HDAC3: variants seen among roughly 807,000 people sequenced by gnomAD.
HDAC3 encodes the protein SMAP45.
A neutral mutation model predicts 62.3 loss-of-function variants in HDAC3; 21 were observed. The observed-to-expected ratio is 0.34, with a 90% CI of 0.24 to 0.49. The LOEUF is 0.49. Ranked by LOEUF, HDAC3 falls within the 20% of genes least tolerant of loss-of-function variation. HDAC3 has a pLI of 0.99. For missense variants in HDAC3, 270 were observed against 556.9 expected (o/e 0.48, Z 5.19); for synonymous variants, 198 against 206.5 (o/e 0.96, Z 0.35).
chr5:141,622,070 C>T (rs542542617), intron 14 of HDAC3, among the ~76,000 whole-genome samples: 3 of 152,180 alleles, frequency 2.0e-5, no homozygotes, highest in East Asian at 1.9e-4. Flanking sequence ...CCAGGACAGC[C>T]GGGAGCACTG....
At chr5:141,622,401 C>T (rs2099903829) in intron 14 of HDAC3, among the ~76,000 whole-genome samples, 1 of 152,004 alleles carries the variant, frequency 6.6e-6, no homozygotes, top group Non-Finnish European at 1.5e-5. Flanking sequence ...GTCAAGAGAT[C>T]AAGACCATCC....
chr5:141,627,247 T>C (rs1207682904), intron 10 of HDAC3, among the ~76,000 whole-genome samples: 3 of 152,158 alleles, frequency 2.0e-5, no homozygotes, highest in Admixed American at 1.3e-4. Context: ...GCTGATTTTG[T>C]TTTTTATTTT....
chr5:141,631,550 A>G (rs934086918), intron 3 of HDAC3, among the ~76,000 whole-genome samples: 4 of 152,238 alleles, frequency 2.6e-5, no homozygotes, highest in African/African-American at 9.6e-5. Context: ...AGCCAATGTG[A>G]TGGTGTAAGA....
At position 141,624,211 on chromosome 5, in the gene HDAC3, G is replaced by A. The variant is rs188963265; in HGVS notation, c.1217+997C>T. Among the ~76,000 whole-genome samples, 379 of 151,260 alleles carry A rather than the reference G, an allele frequency of 2.5e-3. 1 individual carries two copies. The highest frequency in any genetic ancestry group is 9.0e-3 in the African/African-American group (373 of 41,266). On this transcript the variant is annotated intron_variant, in intron 14 of 14. Transcript: ENST00000305264. ...GCTGGCAAGACTATAGGGTGCTACAGACTTTCTGGACGGCAATTTGGCAGC... is the reference window on the plus strand; with the variant it reads ...GCTGGCAAGACTATAGGGTGCTACAAACTTTCTGGACGGCAATTTGGCAGC...
intron 3 of HDAC3, among the ~76,000 whole-genome samples, chr5:141,633,825 C>CA (rs11291105): frequency 0.015 from 1,062 of 73,170 alleles, 9 homozygotes; most frequent in Middle Eastern, 0.017. Flanking sequence ...GACTCTGTCT[C>CA]AAAAAAAAAA....
chr5:141,630,121 C>T lies in HDAC3; in HGVS notation c.286G>A (p.Val96Met), dbSNP rs2099904980. The T allele has an allele frequency of 1.9e-6, 3 of 1,613,840 alleles. No homozygotes were observed. Among genetic ancestry groups the T allele is most frequent in the African/African-American group, 1.3e-5 (1 of 74,910 alleles). ...CAGAACTCAAAGAGCCCGGGAAACA[C>T]TGGGCTGCAGGGAAGAGGAACAAGT... Reference protein sequence around the residue: ...NAFNVGDDCPVFPGLFEFCSR... With the variant: ...NAFNVGDDCPMFPGLFEFCSR... Residue 96 changes from valine to methionine, a missense_variant, in exon 4 of 15, where the codon GTG becomes ATG. This residue lies in a region of HDAC3 where 156 missense variants were observed against 383.9 expected (regional missense o/e 0.41). Coordinates refer to ENST00000305264, the MANE Select transcript of HDAC3 (RefSeq NM_003883.4).
At chr5:141,622,294 T>TACC (rs2099903815) in intron 14 of HDAC3, among the ~76,000 whole-genome samples, 1 of 152,090 alleles carries the variant, frequency 6.6e-6, no homozygotes, top group African/African-American at 2.4e-5. Flanking sequence ...TCAATATTGG[T>TACC]TTCTTTCTTT....
At chr5:141,623,195 A>G (rs2099903948) in intron 14 of HDAC3, among the ~76,000 whole-genome samples, 1 of 152,234 alleles carries the variant, frequency 6.6e-6, no homozygotes, top group African/African-American at 2.4e-5. Flanking sequence ...TCTGAAAATA[A>G]GAGCCATCAG....
intron 14 of HDAC3, among the ~76,000 whole-genome samples, chr5:141,622,603 A>G (rs550920646): frequency 1.0e-4 from 15 of 148,962 alleles, no homozygotes; most frequent in African/African-American, 3.7e-4. Flanking sequence ...CTCCATCTCA[A>G]AAAAAAAAAA....
Position 141,629,090 on chromosome 5 carries a change from G to T in HDAC3, c.610+83C>A, listed in dbSNP as rs971265253. ...GCTTCTCTGAGGAGGGGACACCTGA[G>T]ATGAGACTAGAAGGCTGAGAAGGAG... On this transcript the variant is annotated intron_variant, in intron 7 of 14. Coordinates refer to ENST00000305264, the MANE Select transcript of HDAC3 (RefSeq NM_003883.4). The surrounding 1 kb of genome is among the most constrained non-coding windows in gnomAD (Gnocchi z 5.3). 6.9e-7 allele frequency: 1 copy of T among 1,439,386 alleles called. No homozygotes were observed. Among genetic ancestry groups the T allele is most frequent in the Non-Finnish European group, 9.6e-7 (1 of 1,043,368 alleles). 89.2% of individuals were successfully genotyped at this position (1,439,386 alleles called of 1,614,324 possible). A position where few individuals can be genotyped will look rare whatever the true frequency, so the allele number is the denominator to read the frequency against.
intron 2 of HDAC3, chr5:141,635,257 A>G (rs1221523712): frequency 3.9e-6 from 1 of 256,258 alleles, no homozygotes; most frequent in African/African-American, 2.2e-5. Flanking sequence ...CTCCATGCTC[A>G]TCTCCTCCCC....
At position 141,625,416 on chromosome 5, in the gene HDAC3, A is replaced by C. The variant is rs1387982546; in HGVS notation, c.1060-51T>G. 2 of 1,584,156 alleles carry C rather than the reference A, an allele frequency of 1.3e-6. No individual in the cohort carries two copies. The stretch of plus-strand genomic sequence containing the variant: ...TGAGCAGTTTCCAGAGATTCCCAGG[A>C]CATGGAATCTCCTAGCTGCCTTTTA... On this transcript the variant is annotated intron_variant, in intron 13 of 14. Coordinates refer to ENST00000305264, the MANE Select transcript of HDAC3 (RefSeq NM_003883.4). This position sits in a 1 kb window ranked among gnomAD's most constrained non-coding sequence, Gnocchi z 4.0.
Position 141,636,786 on chromosome 5 carries a change from G to T in HDAC3, c.5C>A (p.Ala2Asp), listed in dbSNP as rs763346840. The T allele has an allele frequency of 1.2e-6, 2 of 1,610,688 alleles. No individual in the cohort carries two copies. The highest frequency in any genetic ancestry group is 3.3e-5 in the Admixed American group (2 of 59,744). The change falls in exon 1 of 15, where the codon GCC becomes GAC. Residue 2 changes from alanine to aspartate, a missense_variant. This residue lies in a region of HDAC3 where 22 missense variants were observed against 21.3 expected (regional missense o/e 1.03). Coordinates refer to ENST00000305264, the MANE Select transcript of HDAC3 (RefSeq NM_003883.4). M[A>D]KTVAYFYDPD... ...GTCGTAGAAATAGGCCACGGTCTTG[G>T]CCATGGTGCCGGCGGGAGCAGGCCC...
chr5:141,635,043 A>C (rs1236057439), intron 2 of HDAC3, 90 bp from the exon 3 acceptor site: 2 of 1,320,068 alleles, frequency 1.5e-6, no homozygotes, highest in Non-Finnish European at 2.1e-6. Flanking sequence ...CCTGGAGACT[A>C]TATGAAGCCA....
chr5:141,628,519 G>C lies in HDAC3; in HGVS notation c.691+40C>G, dbSNP rs2099904774. The C allele has an allele frequency of 6.6e-7, 1 of 1,515,814 alleles. No individual in the cohort carries two copies. The highest frequency in any genetic ancestry group is 9.2e-7 in the Non-Finnish European group (1 of 1,090,964). 93.9% of individuals were successfully genotyped at this position (1,515,814 alleles called of 1,614,324 possible). ...GAAGAGGTTATTTCAAGGAGAAAAA[G>C]AAGGGGCCTAGGGAACAGAGGGAAG... On this transcript the variant is annotated intron_variant, in intron 8 of 14. Coordinates refer to ENST00000305264, the MANE Select transcript of HDAC3 (RefSeq NM_003883.4). This position sits in a 1 kb window ranked among gnomAD's most constrained non-coding sequence, Gnocchi z 4.7.
chr5:141,625,477 C>G lies in HDAC3; in HGVS notation c.1060-112G>C. 1 of 1,277,126 alleles carries G rather than the reference C, an allele frequency of 7.8e-7. No homozygotes were observed. The highest frequency in any genetic ancestry group is 1.1e-6 in the Non-Finnish European group (1 of 885,970). 79.1% of individuals were successfully genotyped at this position (1,277,126 alleles called of 1,614,324 possible). On this transcript the variant is annotated intron_variant, in intron 13 of 14. Coordinates refer to ENST00000305264, the MANE Select transcript of HDAC3 (RefSeq NM_003883.4). This position sits in a 1 kb window ranked among gnomAD's most constrained non-coding sequence, Gnocchi z 4.0. ...ACTGGTTTTCATCTCAGTGGTACCT[C>G]TAGTTCAGGTCCCCCAACTGATAGC...
chr5:141,626,450 A>T lies in HDAC3; in HGVS notation c.831-167T>A. On this transcript the variant is annotated intron_variant, in intron 10 of 14. Transcript: ENST00000305264. This position sits in a 1 kb window ranked among gnomAD's most constrained non-coding sequence, Gnocchi z 4.6. Reference sequence around the variant, plus strand: ...CCCTTAAGATTTGGGTATACTTTATATGCTGTGTCTCAATAAAAATTTTAA... The same window carrying T: ...CCCTTAAGATTTGGGTATACTTTATTTGCTGTGTCTCAATAAAAATTTTAA... 9.5e-6 allele frequency: 6 copies of T among 628,940 alleles called. No homozygotes were observed. In the South Asian group the frequency reaches 1.1e-4, roughly 12 times the overall value. 39.0% of individuals were successfully genotyped at this position (628,940 alleles called of 1,614,324 possible). A position where few individuals can be genotyped will look rare whatever the true frequency, so the allele number is the denominator to read the frequency against.
Position 141,626,186 on chromosome 5 carries a change from G to C in HDAC3, c.920+8C>G, listed in dbSNP as rs371081980. On this transcript the variant is annotated splice_region_variant and intron_variant, in intron 11 of 14. Coordinates refer to ENST00000305264, the MANE Select transcript of HDAC3 (RefSeq NM_003883.4). This position sits in a 1 kb window ranked among gnomAD's most constrained non-coding sequence, Gnocchi z 4.6. Reference sequence around the variant, plus strand: ...GACAACAGGGGAGGAAATCAGGAGAGTGCTCACCAGCAGCGGGCAACATTT... The same window carrying C: ...GACAACAGGGGAGGAAATCAGGAGACTGCTCACCAGCAGCGGGCAACATTT... 7.4e-6 allele frequency: 12 copies of C among 1,613,140 alleles called. No homozygotes were observed. The highest frequency in any genetic ancestry group is 1.7e-4 in the Middle Eastern group (1 of 6,060).
chr5:141,621,889 G>T (rs567988983), intron 14 of HDAC3, among the ~76,000 whole-genome samples: 19 of 152,344 alleles, frequency 1.2e-4, no homozygotes, highest in Admixed American at 4.6e-4. Flanking sequence ...TGAAGGTGAT[G>T]AGAGGAAAAG....
Sources: gnomAD v4.1 joint callset for allele counts (sites outside exome capture counted in the v4.1 genomes callset) on GRCh38, gnomAD v4.1.1 for gene constraint, gnomAD v4.1.1 regional missense constraint, Gnocchi (gnomAD v3.1) non-coding constraint, MANE v1.5 for transcripts, NCBI Gene and HGNC (gene_info 2026-07-23, HGNC 2026-07-21) for gene names.